Variants in EVA1C observed in about 807,000 individuals in gnomAD.
The protein encoded by EVA1C is protein eva-1 homolog C.
EVA1C carries 25 observed loss-of-function variants against 45.4 expected under a neutral mutation model. That is an observed-to-expected ratio of 0.55 (90% confidence interval 0.40 to 0.77). The LOEUF is 0.77. Ranked by LOEUF, EVA1C falls within the 30% of genes least tolerant of loss-of-function variation. The probability of loss-of-function intolerance (pLI) is 0.00; values close to 1 mark genes in which losing one functional copy is unlikely to be tolerated. For missense variants in EVA1C, 479 were observed against 554.8 expected, an observed-to-expected ratio of 0.86 and a Z score of 1.37; for synonymous variants, 190 against 221.2, an observed-to-expected ratio of 0.86 and a Z score of 1.25.
intron 1 of EVA1C, among the ~76,000 whole-genome samples, chr21:32,449,273 C>T (rs2035487681): frequency 6.6e-6 from 1 of 152,220 alleles, no homozygotes; most frequent in Admixed American, 6.5e-5. Context: ...TTGTACGTTG[C>T]ATGGGTTTGG....
intron 2 of EVA1C, 108 bp from the exon 3 acceptor site, chr21:32,457,489 G>C: frequency 7.6e-7 from 1 of 1,321,114 alleles, no homozygotes; most frequent in Non-Finnish European, 1.1e-6. Context: ...GCTTGGCCAG[G>C]TGGGGAGGCG....
chr21:32,427,140 T>G (rs1263359983), intron 1 of EVA1C, among the ~76,000 whole-genome samples: 2 of 152,158 alleles, frequency 1.3e-5, no homozygotes, highest in East Asian at 1.9e-4. Flanking sequence ...TCAGCTCAGA[T>G]TAAAAAACTG....
intron 1 of EVA1C, among the ~76,000 whole-genome samples, chr21:32,431,735 G>T (rs1032835085): frequency 2.6e-5 from 4 of 152,182 alleles, no homozygotes; most frequent in African/African-American, 9.7e-5. Context: ...AGATTCCCCA[G>T]TGCTACCATT....
chr21:32,481,305 G>A (rs2036775703), intron 4 of EVA1C, among the ~76,000 whole-genome samples: 1 of 151,618 alleles, frequency 6.6e-6, no homozygotes, highest in African/African-American at 2.4e-5. Flanking sequence ...GAAACTTAAG[G>A]TTTTTTCTAC....
At chr21:32,495,236 G>A in intron 5 of EVA1C, 66 bp downstream of exon 5, 2 of 1,561,208 alleles carry the variant, frequency 1.3e-6, no homozygotes, top group Non-Finnish European at 8.7e-7. Flanking sequence ...TGGTGACCAT[G>A]TGAACGGCAG....
chr21:32,510,961 G>A (rs1333343517), intron 7 of EVA1C, among the ~76,000 whole-genome samples: 4 of 152,160 alleles, frequency 2.6e-5, no homozygotes, highest in Non-Finnish European at 5.9e-5. Flanking sequence ...GATTGTTTGA[G>A]CCCAGGAATT....
At chr21:32,430,397 T>C (rs2034652900) in intron 1 of EVA1C, among the ~76,000 whole-genome samples, 1 of 152,146 alleles carries the variant, frequency 6.6e-6, no homozygotes. Context: ...TCCAAATTCC[T>C]TTCTGCAGCT....
At chr21:32,429,543 A>G (rs1273434273) in intron 1 of EVA1C, among the ~76,000 whole-genome samples, 26 of 136,178 alleles carry the variant, frequency 1.9e-4, no homozygotes, top group Middle Eastern at 0.011. Flanking sequence ...TAGTAGAGAC[A>G]GGGTTTCACC....
At chr21:32,512,213 G>C (rs78985292) in intron 7 of EVA1C, among the ~76,000 whole-genome samples, 11,142 of 152,130 alleles carry the variant, frequency 0.073, 553 homozygotes, top group Non-Finnish European at 0.1. Context: ...GCTCCTATAC[G>C]GGTGTGCATT....
chr21:32,412,137 G>A (rs2033843761), upstream of EVA1C: 1 of 152,264 alleles, frequency 6.6e-6, no homozygotes, highest in Non-Finnish European at 1.5e-5. Flanking sequence ...TCCTGGCTGC[G>A]AGAGCTTGGG....
At chr21:32,513,857 ATTACAG>A (rs2038050245) in intron 7 of EVA1C, among the ~76,000 whole-genome samples, 1 of 152,082 alleles carries the variant, frequency 6.6e-6, no homozygotes, top group Non-Finnish European at 1.5e-5. Context: ...TGTATTTTAT[ATTACAG>A]TTGGCCTTCT....
chr21:32,490,821 T>A (rs2037128134), intron 4 of EVA1C, among the ~76,000 whole-genome samples: 1 of 152,202 alleles, frequency 6.6e-6, no homozygotes, highest in Non-Finnish European at 1.5e-5. Context: ...TTCAAGACTT[T>A]CTTCCCGTGA....
intron 3 of EVA1C, among the ~76,000 whole-genome samples, chr21:32,458,114 T>C (rs1043714925): frequency 6.6e-6 from 1 of 152,140 alleles, no homozygotes; most frequent in African/African-American, 2.4e-5. Flanking sequence ...GCTGCCTGTT[T>C]TTCCTTGAGG....
chr21:32,460,397 C>A (rs1478646895), intron 3 of EVA1C, among the ~76,000 whole-genome samples: 1 of 152,176 alleles, frequency 6.6e-6, no homozygotes, highest in Non-Finnish European at 1.5e-5. Flanking sequence ...CCTATTTTTT[C>A]TTCATAGCAG....
At chr21:32,488,609 G>T in intron 4 of EVA1C, among the ~76,000 whole-genome samples, 2 of 147,614 alleles carry the variant, frequency 1.4e-5, no homozygotes, top group African/African-American at 2.5e-5. Context: ...TTCTTGAGAT[G>T]GAGTCTTGCT....
intron 3 of EVA1C, among the ~76,000 whole-genome samples, chr21:32,465,163 G>C (rs1483745370): frequency 6.6e-6 from 1 of 152,148 alleles, no homozygotes; most frequent in African/African-American, 2.4e-5. Flanking sequence ...TTCAAAAATT[G>C]CTGGTTACAA....
rs371121993 is a variant in EVA1C at position 32,433,462 on chromosome 21, C to A, written c.161-19850C>A. ...TATTTCTACCTGTGGTTGTCTCTGG[C>A]GCGTTATCAGGATGTGTCACTCCCT... On this transcript the variant is annotated intron_variant, in intron 1 of 7. Transcript: ENST00000300255. 4.9e-3 allele frequency among the ~76,000 whole-genome samples: 739 copies of A among 152,206 alleles called. 4 individuals carry two copies. Among genetic ancestry groups the A allele is most frequent in the African/African-American group, 0.015 (643 of 41,544 alleles).
In EVA1C at chr21:32,510,608, G is replaced by A. The variant is rs149630071; in HGVS notation, c.950-4206G>A. On this transcript the variant is annotated intron_variant, in intron 7 of 7. Transcript: ENST00000300255. ...TATCCGGCCATTCACTAGAAAAGGC[G>A]GGCAAGAGAGGAGGATGGGGACCAG... Among the ~76,000 whole-genome samples, 420 of 152,290 alleles carry A rather than the reference G, an allele frequency of 2.8e-3. 2 individuals carry two copies. The highest frequency in any genetic ancestry group is 9.6e-3 in the African/African-American group (400 of 41,564).
At position 32,474,884 on chromosome 21, in the gene EVA1C, A is replaced by G. The variant is rs931474187; in HGVS notation, c.634+7036A>G. 2.6e-5 allele frequency among the ~76,000 whole-genome samples: 4 copies of G among 152,252 alleles called. No individual in the cohort carries two copies. The highest frequency in any genetic ancestry group is 9.6e-5 in the African/African-American group (4 of 41,460). ...CAACTTCTAAAACATTGTGTGAGCC[A>G]AACAAAACATGCCTCCAGGGCGCAC... On this transcript the variant is annotated intron_variant, in intron 4 of 7. Transcript: ENST00000300255. The surrounding 1 kb of genome is among the most constrained non-coding windows in gnomAD (Gnocchi z 4.4).
Sources: gnomAD v4.1 joint callset for allele counts (sites outside exome capture counted in the v4.1 genomes callset) on GRCh38, gnomAD v4.1.1 for gene constraint, Gnocchi (gnomAD v3.1) non-coding constraint, MANE v1.5 for transcripts, NCBI Gene and HGNC (gene_info 2026-07-23, HGNC 2026-07-21) for gene names.